The following AFAP1L2 variants were observed in gnomAD, a reference collection of about 807,000 sequenced individuals.
AFAP1L2 encodes actin filament associated protein 1 like 2.
In AFAP1L2, 46 loss-of-function variants were observed where a neutral mutation model predicts 99.3. That is an observed-to-expected ratio of 0.46 (90% confidence interval 0.37 to 0.59). AFAP1L2 has a LOEUF of 0.59. Ranked by LOEUF, AFAP1L2 falls within the 20% of genes least tolerant of loss-of-function variation. The pLI, the probability that AFAP1L2 is intolerant of heterozygous loss-of-function variation, is 0.00. For synonymous variants in AFAP1L2, 397 were observed against 419.1 expected (o/e 0.95, Z 0.64); for missense variants, 959 against 1,034.9 (o/e 0.93, Z 1.01).
At position 114,303,928 on chromosome 10, in the gene AFAP1L2, G is replaced by C. The variant is rs553744454; in HGVS notation, c.1284+791C>G. 5.9e-5 allele frequency among the ~76,000 whole-genome samples: 9 copies of C among 152,312 alleles called. No individual in the cohort carries two copies. In the South Asian group the frequency reaches 1.9e-3, roughly 32 times the overall value. On this transcript the variant is annotated intron_variant, in intron 11 of 18. Coordinates refer to ENST00000304129, the MANE Select transcript of AFAP1L2 (RefSeq NM_001001936.3). ...AGCCATTGTAGCCCAGCGATTGGCT[G>C]GGTAATTTGCTGAATAACATCACAC...
intron 1 of AFAP1L2, among the ~76,000 whole-genome samples, chr10:114,361,413 T>G (rs1439790715): frequency 6.6e-6 from 1 of 152,314 alleles, no homozygotes. Context: ...TCCAGAAATA[T>G]CAATGAGACT....
At chr10:114,299,165 T>A in intron 16 of AFAP1L2, 95 bp downstream of exon 16, 1 of 1,471,470 alleles carries the variant, frequency 6.8e-7, no homozygotes, top group Non-Finnish European at 9.3e-7. Context: ...GCCCACTGAT[T>A]GAGAAGGTGT....
rs142922547 is a variant in AFAP1L2, at chr10:114,395,951, A to G, written c.16+8489T>C. Among the ~76,000 whole-genome samples, 482 of 152,242 alleles carry G rather than the reference A, an allele frequency of 3.2e-3. 3 individuals carry two copies. The highest frequency in any genetic ancestry group is 0.011 in the African/African-American group (458 of 41,484). Reference sequence around the variant, plus strand: ...GCACAAAAACACTGCCTGCCTCTCTAACATCAATGCTTTCCCCCAACAAAA... The same window carrying G: ...GCACAAAAACACTGCCTGCCTCTCTGACATCAATGCTTTCCCCCAACAAAA... On this transcript the variant is annotated intron_variant, in intron 1 of 18. Transcript: ENST00000304129.
chr10:114,363,453 C>A (rs1411080591), intron 1 of AFAP1L2, among the ~76,000 whole-genome samples: 1 of 152,180 alleles, frequency 6.6e-6, no homozygotes, highest in Non-Finnish European at 1.5e-5. Context: ...GTCCTTCATG[C>A]CCTGTCGCGG....
chr10:114,281,212 C>G, the AFAP1L2 span: 1 of 152,282 alleles, frequency 6.6e-6, no homozygotes, highest in African/African-American at 2.4e-5. Flanking sequence ...GGGAATGTTT[C>G]TGCCAAGGCC....
intron 1 of AFAP1L2, among the ~76,000 whole-genome samples, chr10:114,376,509 T>A (rs1407274863): frequency 2.0e-5 from 3 of 152,196 alleles, no homozygotes; most frequent in African/African-American, 4.8e-5. Flanking sequence ...TAACATGGGG[T>A]AGAGCCTATT....
chr10:114,308,535 A>G lies in AFAP1L2; in HGVS notation c.883-18T>C. ...ATATCTGGCTATGGACAAAAGCGAC[A>G]TGAATGGGGATCACTGGCTGGGAAC... On this transcript the variant is annotated intron_variant, in intron 8 of 18. Transcript: ENST00000304129. 3 of 1,607,314 alleles carry G rather than the reference A, an allele frequency of 1.9e-6. No individual in the cohort carries two copies. The highest frequency in any genetic ancestry group is 2.6e-6 in the Non-Finnish European group (3 of 1,173,942).
rs534974793 is a variant in AFAP1L2, at chr10:114,301,532, A to G, written c.1431-67T>C. The G allele has an allele frequency of 1.6e-5, 19 of 1,202,332 alleles. 1 individual carries two copies. The South Asian group carries it at 1.7e-4, about 11-fold the overall frequency. The allele number at this position is 1,202,332 out of a possible 1,614,324, so 74.5% of individuals were successfully genotyped here. A position where few individuals can be genotyped will look rare whatever the true frequency, so the allele number is the denominator to read the frequency against. On this transcript the variant is annotated intron_variant, in intron 12 of 18. Coordinates refer to ENST00000304129, the MANE Select transcript of AFAP1L2 (RefSeq NM_001001936.3). ...AGGGTGGTGAAAGCACCAGACTCCA[A>G]GGATTCCCAGTGAGGAGTGGTTGCC...
At chr10:114,319,506 A>G in intron 5 of AFAP1L2, 1 of 1,234,240 alleles carries the variant, frequency 8.1e-7, no homozygotes, top group Non-Finnish European at 1.1e-6. Context: ...CACATCTTTG[A>G]GAGACAGGCA....
chr10:114,294,019 G>A (rs2039840714), downstream of AFAP1L2, among the ~76,000 whole-genome samples: 1 of 152,068 alleles, frequency 6.6e-6, no homozygotes, highest in South Asian at 2.1e-4. Flanking sequence ...GAGATTTATG[G>A]TATGCTTTTT....
chr10:114,362,401 C>T (rs144379758), intron 1 of AFAP1L2, among the ~76,000 whole-genome samples: 3 of 152,098 alleles, frequency 2.0e-5, no homozygotes, highest in Non-Finnish European at 4.4e-5. Context: ...CTGCACCCAG[C>T]GACTGGGGTC....
rs148962632 is a variant in AFAP1L2, at chr10:114,327,173, ATTTT to A, written c.316-3916_316-3913del. ...TATATATATATATATATATATATAT[ATTTT>A]TTTTTTAGGCAGAGTCTCACTGTGT... On this transcript the variant is annotated intron_variant, in intron 4 of 18. Transcript: ENST00000304129. 5.4e-3 allele frequency among the ~76,000 whole-genome samples: 100 copies of A among 18,688 alleles called. 30 individuals carry two copies. The highest frequency in any genetic ancestry group is 0.016 in the South Asian group (8 of 506). The allele number at this position is 18,688 out of a possible 152,430, so 12.3% of individuals were successfully genotyped here.
chr10:114,311,836 CATGGGTGCGG>C (rs940292770), intron 7 of AFAP1L2, among the ~76,000 whole-genome samples: 1 of 152,206 alleles, frequency 6.6e-6, no homozygotes, highest in Non-Finnish European at 1.5e-5. Context: ...TCACCCTGGG[CATGGGTGCGG>C]ATATGCAGAA....
chr10:114,293,376 G>T (rs2039778477), downstream of AFAP1L2, among the ~76,000 whole-genome samples: 1 of 152,158 alleles, frequency 6.6e-6, no homozygotes, highest in African/African-American at 2.4e-5. Context: ...TGGTATTTGG[G>T]TGCCCTGATT....
At chr10:114,335,401 A>G (rs1383280491) in intron 2 of AFAP1L2, among the ~76,000 whole-genome samples, 3 of 152,118 alleles carry the variant, frequency 2.0e-5, no homozygotes, top group African/African-American at 7.2e-5. Context: ...TCACGAGGTC[A>G]GGAGATCGAG....
downstream of AFAP1L2, among the ~76,000 whole-genome samples, chr10:114,293,040 T>C (rs1210788326): frequency 6.6e-6 from 1 of 152,198 alleles, no homozygotes; most frequent in African/African-American, 2.4e-5. Flanking sequence ...ACATAATGTT[T>C]TATAGACAAA....
At chr10:114,327,175 T>TATATATATATATATATATATATA (rs1564880771) in intron 4 of AFAP1L2, among the ~76,000 whole-genome samples, 702 of 55,318 alleles carry the variant, frequency 0.013, 128 homozygotes, top group East Asian at 0.027. Context: ...ATATATATAT[T>TATATATATATATATATATATATA]TTTTTTTTAG....
At chr10:114,307,306 C>T (rs1473179968) in intron 10 of AFAP1L2, among the ~76,000 whole-genome samples, 1 of 152,048 alleles carries the variant, frequency 6.6e-6, no homozygotes, top group South Asian at 2.1e-4. Flanking sequence ...CCTACATGCC[C>T]CTCAAGGCTC....
rs953899991 is a variant in AFAP1L2, at chr10:114,311,307, C to T, written c.793-864G>A. 4.6e-5 allele frequency among the ~76,000 whole-genome samples: 7 copies of T among 152,290 alleles called. No individual in the cohort carries two copies. In the East Asian group the frequency reaches 9.7e-4, roughly 21 times the overall value. On this transcript the variant is annotated intron_variant, in intron 7 of 18. Coordinates refer to ENST00000304129, the MANE Select transcript of AFAP1L2 (RefSeq NM_001001936.3). ...CTTGCCGGGGGAACTCCCAGGGCGA[C>T]CAGAAACACACTACCCACCTGGAAG...
Sources: allele counts gnomAD v4.1 joint callset (sites outside exome capture counted in the v4.1 genomes callset), GRCh38; gene constraint gnomAD v4.1.1; transcripts MANE v1.5; gene names NCBI Gene and HGNC (gene_info 2026-07-23, HGNC 2026-07-21).